Variants in ZMIZ1 observed in about 807,000 individuals in gnomAD.
The protein encoded by ZMIZ1 is zinc finger MIZ domain-containing protein 1.
In ZMIZ1, 17 loss-of-function variants were observed where a neutral mutation model predicts 113.9. The ratio of observed to expected loss-of-function variants is 0.15; its 90% CI spans 0.10 to 0.22. The LOEUF is 0.22. Ranked by LOEUF, ZMIZ1 falls within the 10% of genes least tolerant of loss-of-function variation. The probability of loss-of-function intolerance (pLI) is 1.00; values close to 1 mark genes in which losing one functional copy is unlikely to be tolerated. For synonymous variants in ZMIZ1, 607 were observed against 603.1 expected, an observed-to-expected ratio of 1.01 and a Z score of -0.09; for missense variants, 1,059 against 1,477.8, an observed-to-expected ratio of 0.72 and a Z score of 4.65.
At position 79,097,455 on chromosome 10, in the gene ZMIZ1, G is replaced by A. The variant is rs148390497; in HGVS notation, c.-336-21460G>A. On this transcript the variant is annotated intron_variant, in intron 1 of 24. Transcript: ENST00000334512. ...GCCCAGGTTCTTCCGCCTAGGGTCA[G>A]CCCTGGCCCTGCAACCTTTGTTTAT... Among the ~76,000 whole-genome samples the A allele has an allele frequency of 1.1e-4, 16 of 152,336 alleles. No individual in the cohort carries two copies. In the East Asian group the frequency reaches 3.1e-3, roughly 29 times the overall value.
intron 8 of ZMIZ1, among the ~76,000 whole-genome samples, chr10:79,284,892 A>C (rs1043243126): frequency 1.3e-5 from 2 of 152,210 alleles, no homozygotes; most frequent in Non-Finnish European, 2.9e-5. Context: ...GATTTAGTGT[A>C]TAAAGAAATT....
At chr10:79,162,744 T>A (rs1265867853) in intron 4 of ZMIZ1, among the ~76,000 whole-genome samples, 2 of 152,154 alleles carry the variant, frequency 1.3e-5, no homozygotes, top group Non-Finnish European at 2.9e-5. Context: ...GACATGTCAG[T>A]CCTTTTCCTC....
At chr10:79,310,451 C>T (rs889287699) in intron 23 of ZMIZ1, among the ~76,000 whole-genome samples, 5 of 152,212 alleles carry the variant, frequency 3.3e-5, no homozygotes, top group Admixed American at 1.3e-4. Flanking sequence ...AGTCCTGAGC[C>T]GCACGCCCGC....
intron 23 of ZMIZ1, among the ~76,000 whole-genome samples, chr10:79,309,386 G>A (rs1278080092): frequency 6.6e-6 from 1 of 152,190 alleles, no homozygotes; most frequent in Non-Finnish European, 1.5e-5. Flanking sequence ...CTCTCCCAGG[G>A]TGGGCACTGA....
intron 15 of ZMIZ1, 41 bp downstream of exon 15, chr10:79,298,621 C>G: frequency 6.5e-7 from 1 of 1,539,852 alleles, no homozygotes. Context: ...TCCACCTGGG[C>G]CCCCCAGTGG....
intron 7 of ZMIZ1, among the ~76,000 whole-genome samples, chr10:79,244,543 G>A (rs1182221047): frequency 6.6e-6 from 1 of 152,222 alleles, no homozygotes; most frequent in Non-Finnish European, 1.5e-5. Context: ...CACTTCTTTA[G>A]ACGGGTTTCA....
chr10:79,164,163 C>T (rs943072064), intron 4 of ZMIZ1, among the ~76,000 whole-genome samples: 28 of 152,214 alleles, frequency 1.8e-4, no homozygotes, highest in Admixed American at 1.4e-3. Context: ...GCGGCCTTCT[C>T]TCCTTCTTCC....
At position 79,198,075 on chromosome 10, in the gene ZMIZ1, T is replaced by C. The variant is rs545011749; in HGVS notation, c.-49-3509T>C. Reference sequence around the variant, plus strand: ...GAGATCGAGACCATCCTGGCTAACATGGTGAAACCCCATCTCTACTAAAAA... The same window carrying C: ...GAGATCGAGACCATCCTGGCTAACACGGTGAAACCCCATCTCTACTAAAAA... On this transcript the variant is annotated intron_variant, in intron 4 of 24. Coordinates refer to ENST00000334512, the MANE Select transcript of ZMIZ1 (RefSeq NM_020338.4). Among the ~76,000 whole-genome samples the C allele has an allele frequency of 1.1e-3, 163 of 152,102 alleles. 1 individual carries two copies. The highest frequency in any genetic ancestry group is 3.4e-3 in the Middle Eastern group (1 of 294).
In ZMIZ1 at chr10:79,296,764, C is replaced by T. The variant is rs1000414711; in HGVS notation, c.1413+111C>T. ...CTGCGTGTGTTTGCCCCAAGGACAG[C>T]GAGGGGTGGGTGATTTCTGAACGTC... On this transcript the variant is annotated intron_variant, in intron 13 of 24. Coordinates refer to ENST00000334512, the MANE Select transcript of ZMIZ1 (RefSeq NM_020338.4). The surrounding 1 kb of genome is among the most constrained non-coding windows in gnomAD (Gnocchi z 4.1). The T allele has an allele frequency of 1.4e-5, 16 of 1,120,386 alleles. No individual in the cohort carries two copies. Among genetic ancestry groups the T allele is most frequent in the South Asian group, 1.4e-4 (7 of 51,032 alleles). 69.4% of individuals were successfully genotyped at this position (1,120,386 alleles called of 1,614,324 possible).
At chr10:79,140,131 TC>T (rs1845194975) in intron 3 of ZMIZ1, among the ~76,000 whole-genome samples, 1 of 152,106 alleles carries the variant, frequency 6.6e-6, no homozygotes, top group Non-Finnish European at 1.5e-5. Context: ...TAGCCAGGGG[TC>T]CCAGCCTTTG....
intron 2 of ZMIZ1, among the ~76,000 whole-genome samples, chr10:79,121,143 C>A (rs11002835): frequency 0.053 from 8,073 of 152,266 alleles, 299 homozygotes; most frequent in East Asian, 0.18. Context: ...GGCTTCGGAT[C>A]CACGTCATCA....
chr10:79,293,768 A>G (rs756783270), intron 12 of ZMIZ1, 115 bp downstream of exon 12: 5 of 1,513,536 alleles, frequency 3.3e-6, no homozygotes, highest in Non-Finnish European at 4.6e-6. Flanking sequence ...ACACTTGGAC[A>G]AAGAGGCAGG....
intron 2 of ZMIZ1, among the ~76,000 whole-genome samples, chr10:79,122,777 C>G (rs1467230563): frequency 6.6e-6 from 1 of 152,214 alleles, no homozygotes; most frequent in African/African-American, 2.4e-5. Flanking sequence ...ATCCTAAGTT[C>G]CTGGGCTGAG....
intron 1 of ZMIZ1, among the ~76,000 whole-genome samples, chr10:79,073,428 A>G (rs573585220): frequency 6.6e-6 from 1 of 152,288 alleles, no homozygotes; most frequent in African/African-American, 2.4e-5. Flanking sequence ...CTTGGCTTGC[A>G]TGCCCCCCAC....
At chr10:79,293,279 C>T in intron 11 of ZMIZ1, 102 bp from the exon 12 acceptor site, 1 of 1,449,292 alleles carries the variant, frequency 6.9e-7, no homozygotes, top group East Asian at 2.3e-5. Context: ...CCCCTCCCCA[C>T]TCCTCCACCT....
chr10:79,097,557 C>G (rs1223066120), intron 1 of ZMIZ1, among the ~76,000 whole-genome samples: 1 of 152,200 alleles, frequency 6.6e-6, no homozygotes, highest in Non-Finnish European at 1.5e-5. Flanking sequence ...ATAATAAAAT[C>G]AATTGGACTG....
In ZMIZ1 at chr10:79,314,751, C is replaced by A; in HGVS notation, c.*2002C>A. 1 of 158,526 alleles carries A rather than the reference C, an allele frequency of 6.3e-6. No individual in the cohort carries two copies. Among genetic ancestry groups the A allele is most frequent in the South Asian group, 1.8e-4 (1 of 5,418 alleles). The allele number at this position is 158,526 out of a possible 1,614,324, so 9.8% of individuals were successfully genotyped here. A position where few individuals can be genotyped will look rare whatever the true frequency, so the allele number is the denominator to read the frequency against. On this transcript the variant is annotated 3_prime_UTR_variant, in exon 25 of 25. Coordinates refer to ENST00000334512, the MANE Select transcript of ZMIZ1 (RefSeq NM_020338.4). ...CAGTTGAAGGGGTGAACAGAATGGGCGGCTGTGCTGGGAGTTGGAAGACCG... is the reference window on the plus strand; with the variant it reads ...CAGTTGAAGGGGTGAACAGAATGGGAGGCTGTGCTGGGAGTTGGAAGACCG...
At chr10:79,149,653 C>T (rs1485250466) in intron 3 of ZMIZ1, among the ~76,000 whole-genome samples, 1 of 152,214 alleles carries the variant, frequency 6.6e-6, no homozygotes, top group Non-Finnish European at 1.5e-5. Context: ...GTTGACATCA[C>T]GTTGTCCTCA....
At chr10:79,140,345 A>C (rs1224371726) in intron 3 of ZMIZ1, among the ~76,000 whole-genome samples, 1 of 152,224 alleles carries the variant, frequency 6.6e-6, no homozygotes, top group Non-Finnish European at 1.5e-5. Flanking sequence ...CCACGAGAAC[A>C]AGGCACAGGG....
Sources: gnomAD v4.1 joint callset for allele counts (sites outside exome capture counted in the v4.1 genomes callset) on GRCh38, gnomAD v4.1.1 for gene constraint, Gnocchi (gnomAD v3.1) non-coding constraint, MANE v1.5 for transcripts, NCBI Gene and HGNC (gene_info 2026-07-23, HGNC 2026-07-21) for gene names.